The following CPM variants were observed in gnomAD, a reference collection of about 807,000 sequenced individuals.
CPM encodes the protein renal carboxypeptidase.
CPM carries 35 observed loss-of-function variants against 46.4 expected under a neutral mutation model. The observed-to-expected ratio is 0.75, with a 90% confidence interval of 0.58 to 1.00. CPM has a LOEUF of 1.00. CPM is among the 50% of genes least tolerant of loss of function. The pLI is 0.00. For missense variants in CPM, 422 were observed against 530.4 expected, an observed-to-expected ratio of 0.80 and a Z score of 2.01; for synonymous variants, 195 against 195.3, an observed-to-expected ratio of 1.00 and a Z score of 0.01.
chr12:68,870,708 C>T (rs753515174), intron 4 of CPM, among the ~76,000 whole-genome samples: 1 of 152,230 alleles, frequency 6.6e-6, no homozygotes, highest in Non-Finnish European at 1.5e-5. Flanking sequence ...TCCCAATGGT[C>T]GCCACGTGGA....
chr12:68,851,553 G>A lies in CPM; in HGVS notation c.*4884C>T, dbSNP rs993299342. 2 of 151,760 alleles carry A rather than the reference G, an allele frequency of 1.3e-5. No individual in the cohort carries two copies. Among genetic ancestry groups the A allele is most frequent in the African/African-American group, 4.9e-5 (2 of 41,220 alleles). The allele number at this position is 151,760 out of a possible 1,614,324, so 9.4% of individuals were successfully genotyped here. A position where few individuals can be genotyped will look rare whatever the true frequency, so the allele number is the denominator to read the frequency against. On this transcript the variant is annotated 3_prime_UTR_variant, in exon 9 of 9. Transcript: ENST00000551568. ...TTGAACCCGGGAGGCAGAGGTTGCA[G>A]TGAGCCGAGATCACGGCACTGCACT...
rs369243366 is a variant in CPM at position 68,921,581 on chromosome 12, G to A, written c.160+11097C>T. On this transcript the variant is annotated intron_variant, in intron 2 of 8. Coordinates refer to ENST00000551568, the MANE Select transcript of CPM (RefSeq NM_198320.5). Reference sequence around the variant, plus strand: ...GGGTAGACCCATTTTAGGCTAGCCAGTGAATAATTCAACTGTGTCCTTTAC... The same window carrying A: ...GGGTAGACCCATTTTAGGCTAGCCAATGAATAATTCAACTGTGTCCTTTAC... 4.5e-4 allele frequency among the ~76,000 whole-genome samples: 68 copies of A among 152,328 alleles called. 1 individual carries two copies. The highest frequency in any genetic ancestry group is 1.5e-3 in the African/African-American group (62 of 41,580).
Position 68,909,857 on chromosome 12 carries a change from G to A in CPM, c.160+22821C>T, listed in dbSNP as rs1307082279. Among the ~76,000 whole-genome samples, 10 of 150,686 alleles carry A rather than the reference G, an allele frequency of 6.6e-5. No homozygotes were observed. The South Asian group carries it at 1.1e-3, about 16-fold the overall frequency. ...TTGGGGGGTGGGGGGGCTACGGGAG[G>A]GATAACATTAGGAGAAATACCTAAT... On this transcript the variant is annotated intron_variant, in intron 2 of 8. Transcript: ENST00000551568.
At chr12:68,871,416 C>T (rs3817605) in intron 4 of CPM, among the ~76,000 whole-genome samples, 76,267 of 151,732 alleles carry the variant, frequency 0.5, 19,930 homozygotes, top group Non-Finnish European at 0.58. Context: ...TATGACAGGT[C>T]GAGAGAAAGA....
intron 1 of CPM, among the ~76,000 whole-genome samples, chr12:68,938,881 CTATT>C (rs1255823856): frequency 2.7e-5 from 4 of 147,770 alleles, no homozygotes; most frequent in Admixed American, 6.8e-5. Context: ...TTATGTATAT[CTATT>C]TATATATGTA....
chr12:68,931,763 AAAAGAAAG>A (rs1287718409), intron 2 of CPM, among the ~76,000 whole-genome samples: 281 of 132,506 alleles, frequency 2.1e-3, no homozygotes, highest in African/African-American at 7.3e-3. Flanking sequence ...AAAAAAAAAA[AAAAGAAAG>A]AAAGAAAGAA....
intron 7 of CPM, among the ~76,000 whole-genome samples, chr12:68,866,115 G>A (rs943366150): frequency 1.3e-5 from 2 of 152,214 alleles, no homozygotes; most frequent in African/African-American, 4.8e-5. Flanking sequence ...AGGGGTTGAA[G>A]GTAATGGTGC....
intron 3 of CPM, among the ~76,000 whole-genome samples, chr12:68,873,667 C>CA (rs34150942): frequency 0.03 from 2,072 of 68,914 alleles, 28 homozygotes; most frequent in African/African-American, 0.035. Flanking sequence ...GACCCTGTCT[C>CA]AAAAAAAAAA....
intron 7 of CPM, among the ~76,000 whole-genome samples, chr12:68,866,638 C>T (rs530175708): frequency 6.6e-6 from 1 of 152,354 alleles, no homozygotes; most frequent in East Asian, 1.9e-4. Context: ...GCCACCACGA[C>T]CACCTGGTAC....
chr12:68,847,196 T>TATATATATATATATATATATATA (rs1884363867), downstream of CPM: 2 of 92,080 alleles, frequency 2.2e-5, no homozygotes, highest in African/African-American at 5.9e-5. Context: ...TGTGTGTACA[T>TATATATATATATATATATATATA]TATATATATA....
intron 3 of CPM, among the ~76,000 whole-genome samples, chr12:68,877,918 C>T (rs1175251981): frequency 6.6e-6 from 1 of 152,200 alleles, no homozygotes; most frequent in Non-Finnish European, 1.5e-5. Context: ...GACATGCAAA[C>T]TACATCTCAT....
Position 68,855,533 on chromosome 12 carries a change from A to G in CPM, c.*904T>C, listed in dbSNP as rs895057395. On this transcript the variant is annotated 3_prime_UTR_variant, in exon 9 of 9. Transcript: ENST00000551568. ...ACCTGTATGCTTTGAAGCTCTATAG[A>G]GACACAATCTTATCCCTTCAGGCCT... The G allele has an allele frequency of 6.6e-6, 1 of 152,048 alleles. No individual in the cohort carries two copies. Among genetic ancestry groups the G allele is most frequent in the Non-Finnish European group, 1.5e-5 (1 of 68,026 alleles). The allele number at this position is 152,048 out of a possible 1,614,324, so 9.4% of individuals were successfully genotyped here. A position where few individuals can be genotyped will look rare whatever the true frequency, so the allele number is the denominator to read the frequency against.
intron 1 of CPM, among the ~76,000 whole-genome samples, chr12:68,958,083 G>A (rs1889053491): frequency 6.6e-6 from 1 of 152,140 alleles, no homozygotes; most frequent in African/African-American, 2.4e-5. Context: ...TCTTAATCCA[G>A]TCTATTATTG....
In CPM at chr12:68,854,031, A is replaced by AT. The variant is rs1456802885; in HGVS notation, c.*2405dup. The stretch of plus-strand genomic sequence containing the variant: ...GTCCTAATGGTAAAATTTTTTTCTG[A>AT]TAAAAAAAGGTACTTTGTAGTGCTG... On this transcript the variant is annotated 3_prime_UTR_variant, in exon 9 of 9. Coordinates refer to ENST00000551568, the MANE Select transcript of CPM (RefSeq NM_198320.5). 1 of 152,108 alleles carries AT rather than the reference A, an allele frequency of 6.6e-6. No individual in the cohort carries two copies. The highest frequency in any genetic ancestry group is 1.5e-5 in the Non-Finnish European group (1 of 67,998). 9.4% of individuals were successfully genotyped at this position (152,108 alleles called of 1,614,324 possible). A position where few individuals can be genotyped will look rare whatever the true frequency, so the allele number is the denominator to read the frequency against.
intron 2 of CPM, among the ~76,000 whole-genome samples, chr12:68,900,124 T>A (rs1484426788): frequency 6.6e-6 from 1 of 152,110 alleles, no homozygotes; most frequent in Non-Finnish European, 1.5e-5. Flanking sequence ...GCAAAAGACA[T>A]GTCTGATGAA....
intron 1 of CPM, among the ~76,000 whole-genome samples, chr12:68,956,084 T>A (rs967848415): frequency 1.3e-5 from 2 of 152,172 alleles, no homozygotes; most frequent in African/African-American, 4.8e-5. Context: ...CCTGCAGGCC[T>A]ACACTGCTTT....
chr12:68,877,118 T>C (rs1456184921), intron 3 of CPM, among the ~76,000 whole-genome samples: 3 of 152,216 alleles, frequency 2.0e-5, no homozygotes, highest in Admixed American at 6.5e-5. Flanking sequence ...AAACATGACA[T>C]TTATCTAGCA....
At chr12:68,931,763 A>AAAAAAAAAAAAAAAAAAGAAAG (rs1482981614) in intron 2 of CPM, among the ~76,000 whole-genome samples, 1 of 132,506 alleles carries the variant, frequency 7.5e-6, no homozygotes, top group Non-Finnish European at 1.6e-5. Context: ...AAAAAAAAAA[A>AAAAAAAAAAAAAAAAAAGAAAG]AAAGAAAGAA....
intron 2 of CPM, among the ~76,000 whole-genome samples, chr12:68,904,932 G>C (rs549729235): frequency 6.6e-6 from 1 of 152,286 alleles, no homozygotes; most frequent in East Asian, 1.9e-4. Flanking sequence ...TGGGGGGATG[G>C]AGTTTCATTC....
Sources: allele counts gnomAD v4.1 joint callset (sites outside exome capture counted in the v4.1 genomes callset), GRCh38; gene constraint gnomAD v4.1.1; transcripts MANE v1.5; gene names NCBI Gene and HGNC (gene_info 2026-07-23, HGNC 2026-07-21).